PTPRG: variants seen among roughly 807,000 people sequenced by gnomAD.
The protein encoded by PTPRG is protein tyrosine phosphatase receptor type G, also known as receptor-type tyrosine-protein phosphatase gamma.
A neutral mutation model predicts 165.3 loss-of-function variants in PTPRG; 102 were observed. The ratio of observed to expected loss-of-function variants is 0.62; its 90% confidence interval spans 0.53 to 0.73. The LOEUF (loss-of-function observed/expected upper bound fraction) is 0.73, where lower values mean the gene tolerates loss of function less well. PTPRG is among the 30% of genes least tolerant of loss of function. The pLI is 0.00. For synonymous variants in PTPRG, 675 were observed against 669.5 expected, an observed-to-expected ratio of 1.01 and a Z score of -0.13; for missense variants, 1,866 against 1,861.4, an observed-to-expected ratio of 1.00 and a Z score of -0.05.
chr3:61,822,502 A>C (rs1258278552), intron 2 of PTPRG, among the ~76,000 whole-genome samples: 1 of 152,192 alleles, frequency 6.6e-6, no homozygotes, highest in Non-Finnish European at 1.5e-5. Context: ...TAGAACAGCG[A>C]CCTTCTGTAG....
At chr3:61,605,029 A>G (rs1415481644) in intron 1 of PTPRG, among the ~76,000 whole-genome samples, 1 of 152,180 alleles carries the variant, frequency 6.6e-6, no homozygotes, top group Non-Finnish European at 1.5e-5. Context: ...TCGGACCTAA[A>G]GGCCTTTCTT....
intron 1 of PTPRG, among the ~76,000 whole-genome samples, chr3:61,700,851 T>C (rs2106703178): frequency 6.6e-6 from 1 of 152,324 alleles, no homozygotes. Flanking sequence ...ACTTTTATAC[T>C]ACACAGGAAA....
intron 6 of PTPRG, among the ~76,000 whole-genome samples, chr3:62,152,334 A>G (rs1704367967): frequency 1.3e-5 from 2 of 152,100 alleles, no homozygotes; most frequent in Admixed American, 1.3e-4. Flanking sequence ...AGCCTAGTCA[A>G]CAGAGTGAGA....
chr3:62,173,314 G>T (rs2106750956), intron 8 of PTPRG, among the ~76,000 whole-genome samples: 1 of 152,026 alleles, frequency 6.6e-6, no homozygotes, highest in Non-Finnish European at 1.5e-5. Context: ...CAGAACCCAT[G>T]GATATAAGTG....
intron 5 of PTPRG, 76 bp downstream of exon 5, chr3:62,078,334 T>G (rs1701460305): frequency 8.4e-6 from 8 of 954,306 alleles, no homozygotes; most frequent in Non-Finnish European, 1.1e-5. Flanking sequence ...GTTCCATGTT[T>G]AATGAATGCA....
At chr3:61,975,414 C>T (rs746456049) in intron 2 of PTPRG, among the ~76,000 whole-genome samples, 14 of 152,186 alleles carry the variant, frequency 9.2e-5, no homozygotes, top group Non-Finnish European at 2.9e-5. Context: ...CTGTTTTCCT[C>T]ATTCTCAAAA....
intron 2 of PTPRG, among the ~76,000 whole-genome samples, chr3:61,925,696 C>G (rs1164012540): frequency 1.3e-5 from 2 of 151,812 alleles, no homozygotes; most frequent in Non-Finnish European, 2.9e-5. Flanking sequence ...TGAGCCAAGA[C>G]TGTGCCACTG....
chr3:61,628,133 T>G (rs540546156), intron 1 of PTPRG, among the ~76,000 whole-genome samples: 3 of 152,340 alleles, frequency 2.0e-5, no homozygotes, highest in African/African-American at 7.2e-5. Flanking sequence ...TAAGTATATG[T>G]TGGAGTGCCG....
At chr3:61,824,048 T>TG (rs1315446015) in intron 2 of PTPRG, among the ~76,000 whole-genome samples, 1 of 151,824 alleles carries the variant, frequency 6.6e-6, no homozygotes, top group African/African-American at 2.4e-5. Flanking sequence ...GGCATGAACC[T>TG]GGGACGCGGA....
At chr3:62,265,896 T>TATACACACACACACACACAC (rs1553662684) in intron 17 of PTPRG, among the ~76,000 whole-genome samples, 1,360 of 130,588 alleles carry the variant, frequency 0.01, 11 homozygotes, top group East Asian at 0.02. Context: ...GTGCCTTATA[T>TATACACACACACACACACAC]ACACACACAC....
chr3:62,250,831 A>G (rs1701393591), intron 15 of PTPRG, among the ~76,000 whole-genome samples: 1 of 152,164 alleles, frequency 6.6e-6, no homozygotes, highest in Non-Finnish European at 1.5e-5. Flanking sequence ...CCTAATTTCA[A>G]GCTTCATCAA....
chr3:62,207,468 G>C (rs1292371586), intron 12 of PTPRG, among the ~76,000 whole-genome samples: 1 of 152,142 alleles, frequency 6.6e-6, no homozygotes, highest in African/African-American at 2.4e-5. Context: ...GCCTCCTCCA[G>C]TATGGTATTT....
intron 4 of PTPRG, among the ~76,000 whole-genome samples, chr3:62,073,078 G>A (rs986808085): frequency 1.4e-5 from 2 of 138,614 alleles, no homozygotes; most frequent in Non-Finnish European, 3.1e-5. Flanking sequence ...CATAATGTTA[G>A]TAATGGAATC....
intron 4 of PTPRG, among the ~76,000 whole-genome samples, chr3:62,070,551 G>A (rs1456727765): frequency 6.6e-6 from 1 of 152,234 alleles, no homozygotes; most frequent in Non-Finnish European, 1.5e-5. Flanking sequence ...CTTACGTCCT[G>A]CGTGCATACA....
At chr3:61,953,717 C>T (rs561296232) in intron 2 of PTPRG, among the ~76,000 whole-genome samples, 2 of 152,176 alleles carry the variant, frequency 1.3e-5, no homozygotes, top group Admixed American at 1.3e-4. Flanking sequence ...TGGAGATGCA[C>T]CTTCCATTCT....
chr3:61,780,654 A>G (rs2034521696), intron 2 of PTPRG, among the ~76,000 whole-genome samples: 1 of 152,192 alleles, frequency 6.6e-6, no homozygotes, highest in Non-Finnish European at 1.5e-5. Flanking sequence ...CTTCCTAGTC[A>G]GTCCCTACTG....
intron 2 of PTPRG, among the ~76,000 whole-genome samples, chr3:61,866,125 T>TTCTCTTAAAA (rs2037400514): frequency 6.6e-6 from 1 of 152,192 alleles, no homozygotes; most frequent in Non-Finnish European, 1.5e-5. Flanking sequence ...GTGATATGGA[T>TTCTCTTAAAA]AAGTCATGCA....
intron 2 of PTPRG, among the ~76,000 whole-genome samples, chr3:61,844,963 C>T (rs943402237): frequency 2.6e-5 from 4 of 152,194 alleles, no homozygotes; most frequent in African/African-American, 9.7e-5. Context: ...TAGGGCAAGG[C>T]TATATCTGCC....
intron 1 of PTPRG, among the ~76,000 whole-genome samples, chr3:61,582,181 C>T (rs758236539): frequency 1.8e-4 from 27 of 151,838 alleles, no homozygotes; most frequent in Non-Finnish European, 3.7e-4. Context: ...TTGCCCAGGC[C>T]GGTCTCAAAC....
Sources: allele counts gnomAD v4.1 joint callset (sites outside exome capture counted in the v4.1 genomes callset), GRCh38; gene constraint gnomAD v4.1.1; transcripts MANE v1.5; gene names NCBI Gene and HGNC (gene_info 2026-07-23, HGNC 2026-07-21).